MGST1: variants seen among roughly 807,000 people sequenced by gnomAD.
MGST1 encodes the protein glutathione S-transferase 12.
In MGST1, 5 loss-of-function variants were observed where a neutral mutation model predicts 8.9. The ratio of observed to expected loss-of-function variants is 0.56; its 90% confidence interval spans 0.29 to 1.19. The LOEUF (loss-of-function observed/expected upper bound fraction) is 1.19, where lower values mean the gene tolerates loss of function less well. MGST1 is among the 50% of genes most tolerant of loss of function. The probability of loss-of-function intolerance (pLI) is 0.08; values close to 1 mark genes in which losing one functional copy is unlikely to be tolerated. For missense variants in MGST1, 182 were observed against 187.4 expected (o/e 0.97, Z 0.17); for synonymous variants, 54 against 67.8 (o/e 0.80, Z 1.00).
intron 1 of MGST1, among the ~76,000 whole-genome samples, chr12:16,419,484 G>GA (rs1194813196): frequency 6.6e-6 from 1 of 151,968 alleles, no homozygotes; most frequent in Admixed American, 6.6e-5. Context: ...CAGAAAAAAG[G>GA]AAAAAATCTC....
chr12:16,390,573 T>A (rs1033660517), intron 1 of MGST1, among the ~76,000 whole-genome samples: 6 of 152,210 alleles, frequency 3.9e-5, no homozygotes, highest in African/African-American at 1.4e-4. Context: ...TCTGTGCTAG[T>A]TTGCTAAGAA....
In MGST1 at chr12:16,567,109, T is replaced by C. The variant is rs189118141; in HGVS notation, n.483-22419T>C. On this transcript the variant is annotated intron_variant and non_coding_transcript_variant, in intron 4 of 4. Transcript: ENST00000538857. ...TACTCAGGAGGCTGAGCCAGGAGAATCACTTGAACCTGCGAGGCGGAGGTT... is the reference window on the plus strand; with the variant it reads ...TACTCAGGAGGCTGAGCCAGGAGAACCACTTGAACCTGCGAGGCGGAGGTT... 9.2e-5 allele frequency among the ~76,000 whole-genome samples: 14 copies of C among 152,186 alleles called. No individual in the cohort carries two copies. In the East Asian group the frequency reaches 2.1e-3, roughly 23 times the overall value.
chr12:16,491,418 A>G (rs1941437348), intron 4 of MGST1, among the ~76,000 whole-genome samples: 1 of 152,158 alleles, frequency 6.6e-6, no homozygotes, highest in South Asian at 2.1e-4. Flanking sequence ...GTGGAACAAG[A>G]GTTGTTTTGG....
chr12:16,390,322 A>G (rs1940540604), intron 1 of MGST1, among the ~76,000 whole-genome samples: 1 of 152,238 alleles, frequency 6.6e-6, no homozygotes, highest in Non-Finnish European at 1.5e-5. Context: ...TTTAAACTCT[A>G]AACATATGCA....
downstream of MGST1, among the ~76,000 whole-genome samples, chr12:16,379,537 G>C (rs1940429192): frequency 6.6e-6 from 1 of 152,196 alleles, no homozygotes; most frequent in Non-Finnish European, 1.5e-5. Context: ...TGTGCTGCTG[G>C]ATTCTGTTTG....
intron 4 of MGST1, among the ~76,000 whole-genome samples, chr12:16,558,123 G>A (rs1188790371): frequency 6.6e-6 from 1 of 151,986 alleles, no homozygotes; most frequent in Non-Finnish European, 1.5e-5. Context: ...GAGTGAAAAA[G>A]TCCAAATATC....
chr12:16,515,679 G>T (rs1197032918), intron 4 of MGST1, among the ~76,000 whole-genome samples: 1 of 151,588 alleles, frequency 6.6e-6, no homozygotes, highest in Non-Finnish European at 1.5e-5. Flanking sequence ...GTAATTTTCT[G>T]CTGATCTCAT....
rs138428830 is a variant in MGST1 at position 16,521,284 on chromosome 12, C to A, written n.483-68244C>A. ...ACCACAAATAAAAATCCAGAAAGAC[C>A]TATGCCCATTCCAAAAATGCAATTA... On this transcript the variant is annotated intron_variant and non_coding_transcript_variant, in intron 4 of 4. Coordinates refer to the MGST1 transcript ENST00000538857. Among the ~76,000 whole-genome samples the A allele has an allele frequency of 1.4e-4, 22 of 152,178 alleles. No homozygotes were observed. In the East Asian group the frequency reaches 3.3e-3, roughly 23 times the overall value.
At chr12:16,417,202 A>T (rs911481182) in intron 1 of MGST1, among the ~76,000 whole-genome samples, 1 of 152,182 alleles carries the variant, frequency 6.6e-6, no homozygotes, top group African/African-American at 2.4e-5. Context: ...CAGGAAACTT[A>T]CAATCATAGC....
intron 1 of MGST1, among the ~76,000 whole-genome samples, chr12:16,390,580 A>T (rs1162723767): frequency 6.6e-6 from 1 of 152,184 alleles, no homozygotes; most frequent in Non-Finnish European, 1.5e-5. Flanking sequence ...TAGTTTGCTA[A>T]GAATAATAGC....
chr12:16,403,974 A>G (rs922808887), intron 1 of MGST1, among the ~76,000 whole-genome samples: 1 of 152,192 alleles, frequency 6.6e-6, no homozygotes, highest in African/African-American at 2.4e-5. Context: ...AACTAAGCCT[A>G]ATTATATCAA....
At chr12:16,452,086 G>A (rs1316822171) in intron 4 of MGST1, among the ~76,000 whole-genome samples, 3 of 151,766 alleles carry the variant, frequency 2.0e-5, no homozygotes, top group Admixed American at 2.0e-4. Flanking sequence ...ATAACCCTAA[G>A]CAGTATTATA....
At chr12:16,532,927 A>C (rs867281182) in intron 4 of MGST1, among the ~76,000 whole-genome samples, 2 of 152,188 alleles carry the variant, frequency 1.3e-5, no homozygotes, top group African/African-American at 4.8e-5. Flanking sequence ...ACCTGCTCCA[A>C]ATCCCAGGAG....
intron 4 of MGST1, among the ~76,000 whole-genome samples, chr12:16,485,311 C>A (rs186114704): frequency 1.3e-5 from 2 of 152,128 alleles, no homozygotes; most frequent in Admixed American, 1.3e-4. Flanking sequence ...GTGTAACGTT[C>A]GGTGTAATAG....
intron 1 of MGST1, among the ~76,000 whole-genome samples, chr12:16,408,587 T>C (rs1488106596): frequency 6.6e-6 from 1 of 152,192 alleles, no homozygotes; most frequent in East Asian, 1.9e-4. Flanking sequence ...TTTACCAGCT[T>C]CTCTTTTAAT....
At position 16,559,797 on chromosome 12, in the gene MGST1, T is replaced by TG. The variant is rs1411846955; in HGVS notation, n.483-29730dup. On this transcript the variant is annotated intron_variant and non_coding_transcript_variant, in intron 4 of 4. Coordinates refer to the MGST1 transcript ENST00000538857. The surrounding 1 kb of genome is among the most constrained non-coding windows in gnomAD (Gnocchi z 4.1). ...GAAACTCCATCATCTCTATAAAAAA[T>TG]GAAAAAAAAAAAAAATTAGCCAGGC... 5.8e-5 allele frequency among the ~76,000 whole-genome samples: 7 copies of TG among 121,458 alleles called. No individual in the cohort carries two copies. In the South Asian group the frequency reaches 1.5e-3, roughly 26 times the overall value. 79.7% of individuals were successfully genotyped at this position (121,458 alleles called of 152,430 possible).
downstream of MGST1, among the ~76,000 whole-genome samples, chr12:16,590,849 C>T (rs76846117): frequency 1.3e-3 from 196 of 152,086 alleles, 4 homozygotes; most frequent in East Asian, 0.036. Flanking sequence ...CAGATCATCA[C>T]GTGACCAAAT....
rs559327611 is a variant in MGST1, at chr12:16,412,775, A to T, written n.779-24613A>T. ...CTGCCATGATTGTGAGGCCTCCCCA[A>T]CCATGTGGAACTGTAAGTCCATTAA... On this transcript the variant is annotated intron_variant and non_coding_transcript_variant, in intron 1 of 1. Coordinates refer to the MGST1 transcript ENST00000359720. Among the ~76,000 whole-genome samples the T allele has an allele frequency of 5.9e-5, 9 of 152,290 alleles. No individual in the cohort carries two copies. In the East Asian group the frequency reaches 1.7e-3, roughly 29 times the overall value.
chr12:16,492,674 T>C (rs141247999), intron 4 of MGST1, among the ~76,000 whole-genome samples: 5 of 152,198 alleles, frequency 3.3e-5, no homozygotes, highest in Non-Finnish European at 5.9e-5. Context: ...AATCAGCTAC[T>C]GTCATAGCTA....
Sources: gnomAD v4.1 joint callset for allele counts (sites outside exome capture counted in the v4.1 genomes callset) on GRCh38, gnomAD v4.1.1 for gene constraint, Gnocchi (gnomAD v3.1) non-coding constraint, MANE v1.5 for transcripts, NCBI Gene and HGNC (gene_info 2026-07-23, HGNC 2026-07-21) for gene names.